The following MLLT10 variants were observed in gnomAD, a reference collection of about 807,000 sequenced individuals.
MLLT10 encodes the protein protein AF-10.
Under a neutral mutation model 129.1 loss-of-function variants are expected in MLLT10, and 30 were observed. That is an observed-to-expected ratio of 0.23 (90% CI 0.17 to 0.32). The LOEUF (loss-of-function observed/expected upper bound fraction) is 0.32. Ranked by LOEUF, MLLT10 falls within the 10% of genes least tolerant of loss-of-function variation. The pLI is 1.00. For missense variants in MLLT10, 1,119 were observed against 1,268.3 expected, an observed-to-expected ratio of 0.88 and a Z score of 1.79; for synonymous variants, 490 against 446.4, an observed-to-expected ratio of 1.10 and a Z score of -1.23.
chr10:21,585,223 C>T (rs11012745), intron 3 of MLLT10, among the ~76,000 whole-genome samples: 1 of 152,006 alleles, frequency 6.6e-6, no homozygotes, highest in Non-Finnish European at 1.5e-5. Context: ...TGTGCCCGGC[C>T]TATATTACTA....
intron 8 of MLLT10, among the ~76,000 whole-genome samples, chr10:21,636,607 T>G (rs2047489956): frequency 6.6e-6 from 1 of 151,730 alleles, no homozygotes; most frequent in Admixed American, 6.6e-5. Context: ...GGAGTTTCAC[T>G]CTTGTTGCCC....
intron 4 of MLLT10, among the ~76,000 whole-genome samples, chr10:21,590,933 TA>T (rs1461681875): frequency 6.6e-6 from 1 of 152,226 alleles, no homozygotes; most frequent in Non-Finnish European, 1.5e-5. Context: ...TTCTAACTTA[TA>T]AAGGTGGAAC....
rs187041478 is a variant in MLLT10 at position 21,539,976 on chromosome 10, C to T, written c.240+1064C>T. ...AAAAAAAAACAAAAAGGAGGTAGGCCGGGTGCAGTGACTCACACCTGTAAT... is the reference window on the plus strand; with the variant it reads ...AAAAAAAAACAAAAAGGAGGTAGGCTGGGTGCAGTGACTCACACCTGTAAT... On this transcript the variant is annotated intron_variant, in intron 3 of 22. Coordinates refer to ENST00000307729, the MANE Select transcript of MLLT10 (RefSeq NM_001195626.3). 1.3e-3 allele frequency among the ~76,000 whole-genome samples: 202 copies of T among 151,686 alleles called. 1 individual carries two copies. Among genetic ancestry groups the T allele is most frequent in the Non-Finnish European group, 2.4e-3 (161 of 67,892 alleles).
chr10:21,626,090 G>T lies in MLLT10; in HGVS notation c.699+8883G>T, dbSNP rs1026462052. ...CTTCACTTCATCAGGTCCCTTTGTGGACTCTTGCACCTAGCTCCCCTGTTT... is the reference window on the plus strand; with the variant it reads ...CTTCACTTCATCAGGTCCCTTTGTGTACTCTTGCACCTAGCTCCCCTGTTT... On this transcript the variant is annotated intron_variant, in intron 8 of 22. Coordinates refer to ENST00000307729, the MANE Select transcript of MLLT10 (RefSeq NM_001195626.3). The T allele has an allele frequency of 2.4e-5, 38 of 1,601,652 alleles. No homozygotes were observed. The South Asian group carries it at 3.6e-4, about 15-fold the overall frequency.
Position 21,681,395 on chromosome 10 carries a change from T to C in MLLT10, c.1666+19T>C, listed in dbSNP as rs1487477618. 2 of 1,584,408 alleles carry C rather than the reference T, an allele frequency of 1.3e-6. No individual in the cohort carries two copies. The highest frequency in any genetic ancestry group is 2.7e-5 in the African/African-American group (2 of 74,172). ...ACAACTAGTAAGTTGTCAAACTGGG[T>C]TGATAACCCGGGCCTTTTGTCTCCT... On this transcript the variant is annotated intron_variant, in intron 12 of 22. Coordinates refer to ENST00000307729, the MANE Select transcript of MLLT10 (RefSeq NM_001195626.3).
intron 5 of MLLT10, among the ~76,000 whole-genome samples, chr10:21,610,572 C>G (rs1472656580): frequency 6.6e-6 from 1 of 151,222 alleles, no homozygotes; most frequent in African/African-American, 2.4e-5. Context: ...GAAATGGTTA[C>G]TTCTCTGGGG....
At chr10:21,552,388 CTTT>C (rs1225893534) in intron 3 of MLLT10, among the ~76,000 whole-genome samples, 2 of 112,084 alleles carry the variant, frequency 1.8e-5, no homozygotes, top group Non-Finnish European at 3.7e-5. Flanking sequence ...CTTCTTATTG[CTTT>C]TTTTTTTTTT....
chr10:21,627,051 T>A (rs544958257), intron 8 of MLLT10, among the ~76,000 whole-genome samples: 2 of 152,192 alleles, frequency 1.3e-5, no homozygotes, highest in African/African-American at 2.4e-5. Flanking sequence ...TTTTTTTTTT[T>A]AAACTTTTGG....
At chr10:21,712,081 AT>A (rs1301814236) in intron 13 of MLLT10, among the ~76,000 whole-genome samples, 3 of 152,244 alleles carry the variant, frequency 2.0e-5, no homozygotes, top group African/African-American at 7.2e-5. Flanking sequence ...AATTGTAGAT[AT>A]AAAAAAGATC....
intron 3 of MLLT10, among the ~76,000 whole-genome samples, chr10:21,555,569 C>G (rs1419698826): frequency 6.6e-6 from 1 of 151,868 alleles, no homozygotes; most frequent in Non-Finnish European, 1.5e-5. Flanking sequence ...ACGAAACTTT[C>G]TTCTGCTCCT....
intron 21 of MLLT10, among the ~76,000 whole-genome samples, chr10:21,739,651 CAAG>C (rs777044025): frequency 1.3e-5 from 2 of 152,168 alleles, no homozygotes; most frequent in Non-Finnish European, 2.9e-5. Flanking sequence ...GTAACTGCAT[CAAG>C]AAAGCACCCT....
chr10:21,726,905 A>T (rs569596106), intron 15 of MLLT10, among the ~76,000 whole-genome samples: 14 of 152,248 alleles, frequency 9.2e-5, no homozygotes, highest in African/African-American at 3.4e-4. Flanking sequence ...TGGTTAAAAA[A>T]ATCCTGTTAG....
At chr10:21,689,697 C>G (rs927819780) in intron 13 of MLLT10, among the ~76,000 whole-genome samples, 2 of 143,992 alleles carry the variant, frequency 1.4e-5, no homozygotes, top group African/African-American at 5.1e-5. Context: ...CTCCAAGATA[C>G]TGATATTTGA....
intron 13 of MLLT10, among the ~76,000 whole-genome samples, chr10:21,684,616 A>C (rs1331691348): frequency 6.6e-6 from 1 of 152,150 alleles, no homozygotes; most frequent in Non-Finnish European, 1.5e-5. Context: ...GCAAACTCCT[A>C]ACCTTCATTC....
intron 3 of MLLT10, among the ~76,000 whole-genome samples, chr10:21,576,241 A>C (rs1252742430): frequency 2.7e-5 from 3 of 110,700 alleles, no homozygotes; most frequent in African/African-American, 6.8e-5. Context: ...CTATCCATTT[A>C]CTTTTTTTTT....
chr10:21,625,215 C>G (rs1223638914), intron 8 of MLLT10: 1 of 1,489,312 alleles, frequency 6.7e-7, no homozygotes. Flanking sequence ...GCTTGGCGCT[C>G]TTTCCTTTTC....
intron 3 of MLLT10, chr10:21,551,726 A>G (rs2037064754): frequency 5.5e-6 from 2 of 366,438 alleles, no homozygotes. Flanking sequence ...AGCATATGGT[A>G]TCTGTTTATT....
At chr10:21,670,026 A>G (rs2051227883) in intron 9 of MLLT10, among the ~76,000 whole-genome samples, 1 of 152,002 alleles carries the variant, frequency 6.6e-6, no homozygotes, top group Admixed American at 6.6e-5. Context: ...ATGGATTTGT[A>G]GCACCTTAGT....
chr10:21,743,127 G>C lies in MLLT10; in HGVS notation c.*1144G>C, dbSNP rs1195114508. The stretch of plus-strand genomic sequence containing the variant: ...GCTTTTGATGTGACAGTACCGCAGA[G>C]TGATTCCCCCACTGAGGATGTCATC... On this transcript the variant is annotated 3_prime_UTR_variant, in exon 23 of 23. Coordinates refer to ENST00000307729, the MANE Select transcript of MLLT10 (RefSeq NM_001195626.3). 1.7e-5 allele frequency: 4 copies of C among 230,602 alleles called. No homozygotes were observed. The highest frequency in any genetic ancestry group is 2.6e-5 in the Non-Finnish European group (3 of 116,366). The allele number at this position is 230,602 out of a possible 1,614,324, so 14.3% of individuals were successfully genotyped here.
Sources: allele counts gnomAD v4.1 joint callset (sites outside exome capture counted in the v4.1 genomes callset), GRCh38; gene constraint gnomAD v4.1.1; transcripts MANE v1.5; gene names NCBI Gene and HGNC (gene_info 2026-07-23, HGNC 2026-07-21).